SCAMP2: variants seen among roughly 807,000 people sequenced by gnomAD.
The protein encoded by SCAMP2 is secretory carrier-associated membrane protein 2.
SCAMP2 carries 25 observed loss-of-function variants against 44.1 expected under a neutral mutation model. The ratio of observed to expected loss-of-function variants is 0.57; its 90% confidence interval spans 0.41 to 0.79. The LOEUF is 0.79. Ranked by LOEUF, SCAMP2 falls within the 30% of genes least tolerant of loss-of-function variation. The pLI is 0.00. For synonymous variants in SCAMP2, 156 were observed against 166.0 expected (o/e 0.94, Z 0.46); for missense variants, 355 against 411.0 (o/e 0.86, Z 1.18).
At chr15:74,861,162 G>A (rs909319057) in intron 1 of SCAMP2, among the ~76,000 whole-genome samples, 8 of 152,062 alleles carry the variant, frequency 5.3e-5, no homozygotes, top group African/African-American at 1.5e-4. Context: ...GCAACAGAGC[G>A]AGACTCAACT....
At position 74,855,167 on chromosome 15, in the gene SCAMP2, A is replaced by ATG. The variant is rs1305015000; in HGVS notation, c.58-519_58-518insCA. Among the ~76,000 whole-genome samples the ATG allele has an allele frequency of 1.4e-4, 21 of 151,800 alleles. 1 individual carries two copies. The highest frequency in any genetic ancestry group is 1.3e-3 in the Admixed American group (20 of 15,246). On this transcript the variant is annotated intron_variant, in intron 1 of 8. Transcript: ENST00000268099. Reference sequence around the variant, plus strand: ...CACCCAGGCTGGAGTGCAGTGGCGCAATCTTGGCTCACTGCAACCTTCGCC... The same window carrying ATG: ...CACCCAGGCTGGAGTGCAGTGGCGCATGATCTTGGCTCACTGCAACCTTCGCC...
At position 74,851,152 on chromosome 15, in the gene SCAMP2, T is replaced by A. The variant is rs374111649; in HGVS notation, c.472+201A>T. ...TAGTCCCACCCTCCCTGATCGGTGG[T>A]CTGGACTGCCCCTTTCAAGGAGGTT... On this transcript the variant is annotated intron_variant, in intron 5 of 8. Transcript: ENST00000268099. Among the ~76,000 whole-genome samples, 8 of 152,134 alleles carry A rather than the reference T, an allele frequency of 5.3e-5. No homozygotes were observed. In the East Asian group the frequency reaches 1.4e-3, roughly 26 times the overall value.
intron 1 of SCAMP2, among the ~76,000 whole-genome samples, chr15:74,872,360 C>T (rs1001367466): frequency 2.7e-5 from 4 of 150,194 alleles, no homozygotes; most frequent in East Asian, 2.0e-4. Context: ...TTGCAGTGAG[C>T]GGAAATCGTG....
chr15:74,849,110 G>A (rs1449884954), intron 6 of SCAMP2, among the ~76,000 whole-genome samples: 1 of 151,968 alleles, frequency 6.6e-6, no homozygotes, highest in Non-Finnish European at 1.5e-5. Context: ...TGGAGTACTT[G>A]CGTTTCATAA....
chr15:74,866,334 A>G (rs1842060315), intron 1 of SCAMP2, among the ~76,000 whole-genome samples: 1 of 151,840 alleles, frequency 6.6e-6, no homozygotes, highest in South Asian at 2.1e-4. Context: ...CTGGGGGTGC[A>G]GGGGTAAGAG....
intron 1 of SCAMP2, among the ~76,000 whole-genome samples, chr15:74,863,018 G>A (rs1357930933): frequency 6.6e-6 from 1 of 151,528 alleles, no homozygotes; most frequent in African/African-American, 2.4e-5. Context: ...AGACCAGCCT[G>A]GGCATCATGA....
rs2064428970 is a variant in SCAMP2, at chr15:74,850,590, G to T, written c.556C>A (p.Leu186Ile). 5.6e-6 allele frequency: 9 copies of T among 1,614,010 alleles called. No homozygotes were observed. The highest frequency in any genetic ancestry group is 7.6e-6 in the Non-Finnish European group (9 of 1,179,994). The change falls in exon 6 of 9, where the codon CTC becomes ATC. Residue 186 changes from leucine to isoleucine, a missense_variant. Transcript: ENST00000268099. Reference protein sequence around the residue: ...GNSSKGVDFGLSILWFLIFTP... With the variant: ...GNSSKGVDFGISILWFLIFTP... ...AAGATCAGAAACCACAGGATGGAGA[G>T]GCCAAAGTCCACTCCCTTGGAGCTG...
chr15:74,865,424 T>C (rs1596424114), intron 1 of SCAMP2, among the ~76,000 whole-genome samples: 1 of 127,218 alleles, frequency 7.9e-6, no homozygotes, highest in Non-Finnish European at 1.7e-5. Flanking sequence ...AAGAAAGGAG[T>C]GCCCAAAATA....
intron 1 of SCAMP2, among the ~76,000 whole-genome samples, chr15:74,870,837 G>T (rs1407820818): frequency 6.6e-6 from 1 of 152,176 alleles, no homozygotes; most frequent in African/African-American, 2.4e-5. Flanking sequence ...TCTGACCCTT[G>T]AAGCGATTCA....
In SCAMP2 at chr15:74,847,086, A is replaced by ATTTTTT. The variant is rs34231883; in HGVS notation, c.735-1499_735-1494dup. Among the ~76,000 whole-genome samples, 17 of 109,302 alleles carry ATTTTTT rather than the reference A, an allele frequency of 1.6e-4. 1 individual carries two copies. Among genetic ancestry groups the ATTTTTT allele is most frequent in the South Asian group, 3.2e-4 (1 of 3,114 alleles). The allele number at this position is 109,302 out of a possible 152,430, so 71.7% of individuals were successfully genotyped here. A position where few individuals can be genotyped will look rare whatever the true frequency, so the allele number is the denominator to read the frequency against. ...AAACCCATACACCTATTGTCAGTTA[A>ATTTTTT]TTTTTTTTTTTTTTTTTTTTTTTGA... is the stretch of plus-strand genomic sequence containing the variant. On this transcript the variant is annotated intron_variant, in intron 7 of 8. Coordinates refer to ENST00000268099, the MANE Select transcript of SCAMP2 (RefSeq NM_005697.5).
At chr15:74,858,995 G>C (rs28735157) in intron 1 of SCAMP2, among the ~76,000 whole-genome samples, 1 of 151,634 alleles carries the variant, frequency 6.6e-6, no homozygotes. Context: ...ATTTTTAGTA[G>C]AGATAGGTTT....
intron 1 of SCAMP2, among the ~76,000 whole-genome samples, chr15:74,858,349 T>C (rs897493148): frequency 6.6e-6 from 1 of 152,130 alleles, no homozygotes; most frequent in Non-Finnish European, 1.5e-5. Context: ...ATAATGACTT[T>C]ACTGCTCTCC....
At position 74,851,364 on chromosome 15, in the gene SCAMP2, T is replaced by C. The variant is rs780409354; in HGVS notation, c.461A>G (p.Tyr154Cys). The change falls in exon 5 of 9, where the codon TAT becomes TGT. Residue 154 changes from tyrosine (Y) to cysteine (C), a missense_variant. Tyr to Cys is a radical substitution (Grantham distance 194, BLOSUM62 -2). Transcript: ENST00000268099. ...GGAGTGGGACTCACACATCCACAGA[T>C]AGTAGAGCATCTTGCATATCCGCTG... is the stretch of plus-strand genomic sequence containing the variant. ...DYQRICKMLY[Y>C]LWMLHSVTLF... 1 of 1,613,842 alleles carries C rather than the reference T, an allele frequency of 6.2e-7. No homozygotes were observed. The highest frequency in any genetic ancestry group is 8.5e-7 in the Non-Finnish European group (1 of 1,179,890).
At chr15:74,867,116 C>G (rs558968886) in intron 1 of SCAMP2, among the ~76,000 whole-genome samples, 2 of 152,182 alleles carry the variant, frequency 1.3e-5, no homozygotes, top group African/African-American at 4.8e-5. Context: ...TTTCTTAGCT[C>G]TCCTGCCAGA....
intron 1 of SCAMP2, among the ~76,000 whole-genome samples, chr15:74,864,187 G>C (rs2141180330): frequency 6.6e-6 from 1 of 152,240 alleles, no homozygotes; most frequent in South Asian, 2.1e-4. Context: ...TCAGCCTCCT[G>C]AGTAGCTAGG....
At chr15:74,857,196 A>G (rs1304086529) in intron 1 of SCAMP2, among the ~76,000 whole-genome samples, 1 of 152,118 alleles carries the variant, frequency 6.6e-6, no homozygotes, top group Non-Finnish European at 1.5e-5. Flanking sequence ...GCCTCATACT[A>G]CAGCCTCCAC....
chr15:74,865,813 C>T (rs1015644515), intron 1 of SCAMP2, among the ~76,000 whole-genome samples: 87 of 140,826 alleles, frequency 6.2e-4, no homozygotes, highest in African/African-American at 1.7e-3. Flanking sequence ...AAGCCAGGCA[C>T]GATGGTGTTT....
At chr15:74,864,475 G>T (rs913387422) in intron 1 of SCAMP2, among the ~76,000 whole-genome samples, 2 of 152,186 alleles carry the variant, frequency 1.3e-5, no homozygotes, top group African/African-American at 4.8e-5. Flanking sequence ...GAAGAGGGTG[G>T]GGCCAGATTG....
Position 74,851,489 on chromosome 15 carries a change from G to A in SCAMP2, c.344-8C>T. 3 of 1,613,448 alleles carry A rather than the reference G, an allele frequency of 1.9e-6. No homozygotes were observed. The highest frequency in any genetic ancestry group is 2.5e-6 in the Non-Finnish European group (3 of 1,179,584). ...GCCAGTTGTTCTGTCTCACTGGGTA[G>A]GGCAAAAAGAGTGACGAGGTAAGGG... On this transcript the variant is annotated splice_polypyrimidine_tract_variant and splice_region_variant and intron_variant, in intron 4 of 8. Transcript: ENST00000268099.
Sources: allele counts gnomAD v4.1 joint callset (sites outside exome capture counted in the v4.1 genomes callset), GRCh38; gene constraint gnomAD v4.1.1; transcripts MANE v1.5; gene names NCBI Gene and HGNC (gene_info 2026-07-23, HGNC 2026-07-21).